SCN8A: variants seen among roughly 807,000 people sequenced by gnomAD.
SCN8A encodes sodium channel protein type 8 subunit alpha.
Under a neutral mutation model 184.1 loss-of-function variants are expected in SCN8A, and 30 were observed. That is an observed-to-expected ratio of 0.16 (90% CI 0.12 to 0.22). The LOEUF is 0.22. Among genes scored for constraint, SCN8A ranks in the 10% least tolerant of loss-of-function variants. The pLI, the probability that SCN8A is intolerant of heterozygous loss-of-function variation, is 1.00. For missense variants in SCN8A, 1,057 were observed against 2,498.9 expected, an observed-to-expected ratio of 0.42 and a Z score of 12.30; for synonymous variants, 852 against 907.0, an observed-to-expected ratio of 0.94 and a Z score of 1.09.
At chr12:51,735,876 GTTA>G (rs1281148154) in intron 12 of SCN8A, among the ~76,000 whole-genome samples, 8 of 152,146 alleles carry the variant, frequency 5.3e-5, no homozygotes, top group African/African-American at 1.9e-4. Context: ...TCTACCCCAA[GTTA>G]TTATTTTACC....
At chr12:51,744,539 C>T (rs1343130587) in intron 12 of SCN8A, among the ~76,000 whole-genome samples, 1 of 151,640 alleles carries the variant, frequency 6.6e-6, no homozygotes, top group Non-Finnish European at 1.5e-5. Context: ...TGTAGCTTTG[C>T]CAAACAAACA....
At chr12:51,600,457 G>A (rs2138556220) in intron 1 of SCN8A, among the ~76,000 whole-genome samples, 1 of 152,270 alleles carries the variant, frequency 6.6e-6, no homozygotes, top group East Asian at 1.9e-4. Context: ...GATTTTAGTA[G>A]GTGAAAGCAG....
At chr12:51,632,535 A>G (rs898421847) in intron 1 of SCN8A, among the ~76,000 whole-genome samples, 1 of 152,110 alleles carries the variant, frequency 6.6e-6, no homozygotes, top group Non-Finnish European at 1.5e-5. Context: ...TGGAGAGGTA[A>G]AATCTTTTCT....
chr12:51,717,467 CCTTA>C (rs1475104619), intron 11 of SCN8A, among the ~76,000 whole-genome samples: 2 of 152,222 alleles, frequency 1.3e-5, no homozygotes, highest in Non-Finnish European at 2.9e-5. Flanking sequence ...CTCTCAGTTT[CCTTA>C]CTTGTCTCAT....
At chr12:51,651,191 A>G (rs754780068) in intron 1 of SCN8A, among the ~76,000 whole-genome samples, 2 of 152,164 alleles carry the variant, frequency 1.3e-5, no homozygotes, top group Non-Finnish European at 2.9e-5. Flanking sequence ...AACATCTCAC[A>G]GTGCTGCAGA....
At chr12:51,644,838 C>T (rs1940531947) in intron 1 of SCN8A, among the ~76,000 whole-genome samples, 1 of 152,116 alleles carries the variant, frequency 6.6e-6, no homozygotes, top group Non-Finnish European at 1.5e-5. Context: ...AGGAGCATCT[C>T]TGCCCGGCCA....
rs192982781 is a variant in SCN8A at position 51,688,861 on chromosome 12, C to T, written c.615-144C>T. On this transcript the variant is annotated intron_variant, in intron 5 of 26. Transcript: ENST00000627620. ...TTCGGTAATCCCAGGTAAGATGGTC[C>T]GGGGTTGGTGTTAGGTGTTGGGATA... The T allele has an allele frequency of 4.8e-5, 78 of 1,609,002 alleles. No individual in the cohort carries two copies. In the East Asian group the frequency reaches 1.2e-3, roughly 25 times the overall value.
At chr12:51,788,553 A>G in intron 22 of SCN8A, 142 bp from the exon 23 acceptor site, 1 of 466,750 alleles carries the variant, frequency 2.1e-6, no homozygotes, top group Admixed American at 3.8e-5. Flanking sequence ...TAACAAACAG[A>G]AAATTCTGTG....
chr12:51,613,300 A>C (rs1939763634), intron 1 of SCN8A, among the ~76,000 whole-genome samples: 1 of 152,210 alleles, frequency 6.6e-6, no homozygotes, highest in Non-Finnish European at 1.5e-5. Flanking sequence ...ATATAGAACA[A>C]TTCAGGTTGT....
intron 1 of SCN8A, among the ~76,000 whole-genome samples, chr12:51,604,503 TG>T (rs778917747): frequency 6.6e-6 from 1 of 152,086 alleles, no homozygotes; most frequent in African/African-American, 2.4e-5. Context: ...GTTTGTTTTT[TG>T]TTTTTTTAAC....
intron 21 of SCN8A, among the ~76,000 whole-genome samples, chr12:51,781,866 T>C (rs1336381853): frequency 6.6e-6 from 1 of 152,158 alleles, no homozygotes; most frequent in Non-Finnish European, 1.5e-5. Flanking sequence ...AATGTAAGAA[T>C]AAAAATTAAA....
At chr12:51,632,935 A>G (rs555202512) in intron 1 of SCN8A, among the ~76,000 whole-genome samples, 1 of 152,138 alleles carries the variant, frequency 6.6e-6, no homozygotes, top group East Asian at 1.9e-4. Context: ...CCTCACTGTG[A>G]CCTTGGGCAA....
At position 51,643,487 on chromosome 12, in the gene SCN8A, TTC is replaced by T; in HGVS notation, c.-54-19275_-54-19274del. Among the ~76,000 whole-genome samples, 4 of 152,378 alleles carry T rather than the reference TTC, an allele frequency of 2.6e-5. No individual in the cohort carries two copies. The Middle Eastern group carries it at 0.014, about 518-fold the overall frequency. On this transcript the variant is annotated intron_variant, in intron 1 of 26. Transcript: ENST00000627620. ...AACCACTTTGATGTATCTTCTTTAC[TTC>T]TGTGTATTTGGGCATGTCTATTTCA... is the stretch of plus-strand genomic sequence containing the variant.
In SCN8A at chr12:51,789,581, T is replaced by C. The variant is rs1268204457; in HGVS notation, c.4419+163T>C. On this transcript the variant is annotated intron_variant, in intron 24 of 26. Transcript: ENST00000627620. ...CATACGTTAGCCCCAACCCACTCTTTCTGTTCGGGGCTGGATTTTGCAGCA... is the reference window on the plus strand; with the variant it reads ...CATACGTTAGCCCCAACCCACTCTTCCTGTTCGGGGCTGGATTTTGCAGCA... 2.0e-5 allele frequency among the ~76,000 whole-genome samples: 3 copies of C among 152,146 alleles called. No homozygotes were observed. In the East Asian group the frequency reaches 5.8e-4, roughly 29 times the overall value.
chr12:51,779,413 T>C (rs543425188), intron 20 of SCN8A, among the ~76,000 whole-genome samples: 1 of 152,214 alleles, frequency 6.6e-6, no homozygotes, highest in African/African-American at 2.4e-5. Flanking sequence ...TAGAACAAGG[T>C]AAGTTTGCCT....
At chr12:51,649,866 TC>T (rs1481773711) in intron 1 of SCN8A, among the ~76,000 whole-genome samples, 2 of 152,192 alleles carry the variant, frequency 1.3e-5, no homozygotes, top group Non-Finnish European at 2.9e-5. Flanking sequence ...AGCTTGTATT[TC>T]TCCTCAGAAA....
At position 51,688,801 on chromosome 12, in the gene SCN8A, C is replaced by T. The variant is rs760547585; in HGVS notation, c.615-204C>T. 3.7e-6 allele frequency: 6 copies of T among 1,613,810 alleles called. No individual in the cohort carries two copies. In the East Asian group the frequency reaches 6.7e-5, roughly 18 times the overall value. Reference sequence around the variant, plus strand: ...AAACCTAGGCAATGTTTCAGCTCTACGCACTTTCAGGGTACTGAGGGCTTT... The same window carrying T: ...AAACCTAGGCAATGTTTCAGCTCTATGCACTTTCAGGGTACTGAGGGCTTT... On this transcript the variant is annotated intron_variant, in intron 5 of 26. Transcript: ENST00000627620.
At chr12:51,705,374 C>G in intron 9 of SCN8A, 43 bp from the exon 10 acceptor site, 5 of 1,596,440 alleles carry the variant, frequency 3.1e-6, no homozygotes, top group Non-Finnish European at 4.3e-6. Context: ...CAGCCCGGTT[C>G]ATTTGGTACA....
chr12:51,768,920 C>T lies in SCN8A; in HGVS notation c.2957C>T (p.Ala986Val). 6.2e-7 allele frequency: 1 copy of T among 1,601,254 alleles called. No individual in the cohort carries two copies. The highest frequency in any genetic ancestry group is 8.5e-7 in the Non-Finnish European group (1 of 1,170,652). The part of the protein sequence containing the change: ...LLSSFSADNL[A>V]ATDDDGEMNN... ...AGCTCCTTCAGTGCAGACAACCTGG[C>T]TGCCACAGATGACGATGGGGAAATG... Residue 986 changes from alanine to valine, a missense_variant, in exon 17 of 27, where the codon GCT (alanine) becomes GTT (valine). Ala to Val is a moderately conservative substitution (Grantham distance 64). Transcript: ENST00000627620.
Sources: allele counts gnomAD v4.1 joint callset (sites outside exome capture counted in the v4.1 genomes callset), GRCh38; gene constraint gnomAD v4.1.1; transcripts MANE v1.5; gene names NCBI Gene and HGNC (gene_info 2026-07-23, HGNC 2026-07-21).